PHLDB2: variants seen among roughly 807,000 people sequenced by gnomAD.
PHLDB2 encodes the protein pleckstrin homology-like domain family B member 2.
A neutral mutation model predicts 123.6 loss-of-function variants in PHLDB2; 71 were observed. That is an observed-to-expected ratio of 0.57 (90% CI 0.47 to 0.70). The LOEUF (loss-of-function observed/expected upper bound fraction) is 0.70. Among genes scored for constraint, PHLDB2 ranks in the 30% least tolerant of loss-of-function variants. The pLI, the probability that PHLDB2 is intolerant of heterozygous loss-of-function variation, is 0.00. For missense variants in PHLDB2, 1,446 were observed against 1,519.5 expected, an observed-to-expected ratio of 0.95 and a Z score of 0.80; for synonymous variants, 547 against 541.6, an observed-to-expected ratio of 1.01 and a Z score of -0.14.
intron 1 of PHLDB2, among the ~76,000 whole-genome samples, chr3:111,837,270 A>G (rs1559860201): frequency 6.6e-6 from 1 of 152,208 alleles, no homozygotes; most frequent in African/African-American, 2.4e-5. Flanking sequence ...GAAGAGCCAG[A>G]GAATACTAGG....
chr3:111,810,488 G>A (rs2061785324), intron 1 of PHLDB2, among the ~76,000 whole-genome samples: 1 of 152,072 alleles, frequency 6.6e-6, no homozygotes, highest in African/African-American at 2.4e-5. Context: ...TTTGTTGTGT[G>A]CTCACATGAT....
At chr3:111,939,161 T>C (rs747613481) in intron 6 of PHLDB2, among the ~76,000 whole-genome samples, 1 of 152,206 alleles carries the variant, frequency 6.6e-6, no homozygotes, top group Admixed American at 6.5e-5. Context: ...CTGCAGATTA[T>C]GTTTAGGTTA....
At chr3:111,945,705 C>T (rs1296528192) in intron 9 of PHLDB2, among the ~76,000 whole-genome samples, 1 of 151,962 alleles carries the variant, frequency 6.6e-6, no homozygotes, top group Admixed American at 6.6e-5. Context: ...CCTGAGTCTC[C>T]TTTCTCCCTC....
chr3:111,885,026 T>G lies in PHLDB2; in HGVS notation c.949T>G (p.Ser317Ala), dbSNP rs2066088828. 6.2e-7 allele frequency: 1 copy of G among 1,614,070 alleles called. No homozygotes were observed. The highest frequency in any genetic ancestry group is 8.5e-7 in the Non-Finnish European group (1 of 1,180,034). ...CTCAGGGGCTTTACCCTATAAAACCTCTGCTTCTGAAGGCAATCCTTATGT... is the reference window on the plus strand; with the variant it reads ...CTCAGGGGCTTTACCCTATAAAACCGCTGCTTCTGAAGGCAATCCTTATGT... ...LSSGALPYKTSASEGNPYVSS... is the reference protein window; with the variant it reads ...LSSGALPYKTAASEGNPYVSS... The change falls in exon 2 of 18, where the codon TCT becomes GCT. Residue 317 changes from serine to alanine, a missense_variant. By Grantham distance (99) the Ser-to-Ala change is moderately conservative. Transcript: ENST00000431670.
intron 2 of PHLDB2, among the ~76,000 whole-genome samples, chr3:111,907,500 G>T (rs1285845436): frequency 1.3e-5 from 2 of 152,044 alleles, no homozygotes; most frequent in Admixed American, 6.6e-5. Flanking sequence ...TTGTTTGTTT[G>T]TTTGTTTGTT....
chr3:111,768,330 G>A (rs373891762), intron 1 of PHLDB2, among the ~76,000 whole-genome samples: 1 of 152,188 alleles, frequency 6.6e-6, no homozygotes, highest in East Asian at 1.9e-4. Flanking sequence ...TGATGGTGGG[G>A]TTGCCTACCT....
Position 111,975,438 on chromosome 3 carries a change from C to G in PHLDB2, c.*875C>G, listed in dbSNP as rs2072457363. 1 of 152,146 alleles carries G rather than the reference C, an allele frequency of 6.6e-6. No individual in the cohort carries two copies. 9.4% of individuals were successfully genotyped at this position (152,146 alleles called of 1,614,324 possible). A position where few individuals can be genotyped will look rare whatever the true frequency, so the allele number is the denominator to read the frequency against. ...TTCCTGGTGCTGAGAATAAAGGCAA[C>G]CAGTAGCCAATGTCCTTTAGATTGT... On this transcript the variant is annotated 3_prime_UTR_variant, in exon 18 of 18. Coordinates refer to ENST00000431670, the MANE Select transcript of PHLDB2 (RefSeq NM_001134438.2).
chr3:111,834,246 TTA>T (rs2063281248), intron 1 of PHLDB2, among the ~76,000 whole-genome samples: 1 of 89,886 alleles, frequency 1.1e-5, no homozygotes, highest in Non-Finnish European at 1.7e-5. Flanking sequence ...TATAATAGAA[TTA>T]TATATATAAT....
intron 11 of PHLDB2, among the ~76,000 whole-genome samples, chr3:111,953,585 C>T (rs762143266): frequency 6.0e-4 from 92 of 152,278 alleles, no homozygotes; most frequent in Admixed American, 1.6e-3. Flanking sequence ...TGTTCTTTTG[C>T]ATGGTGCGCA....
At chr3:111,970,418 C>T (rs1025800607) in intron 16 of PHLDB2, among the ~76,000 whole-genome samples, 5 of 152,114 alleles carry the variant, frequency 3.3e-5, no homozygotes, top group South Asian at 4.1e-4. Context: ...GATTGTCATA[C>T]GTCCCATTTA....
intron 1 of PHLDB2, among the ~76,000 whole-genome samples, chr3:111,764,940 G>A (rs531382640): frequency 3.9e-4 from 59 of 152,274 alleles, no homozygotes; most frequent in Admixed American, 1.0e-3. Context: ...ATACCCAAGC[G>A]ACATCACCAT....
chr3:111,879,886 C>G (rs375341076), intron 1 of PHLDB2, among the ~76,000 whole-genome samples: 2 of 151,676 alleles, frequency 1.3e-5, no homozygotes, highest in East Asian at 1.9e-4. Flanking sequence ...TTTAGAAGCA[C>G]TTTTCTCTAT....
In PHLDB2 at chr3:111,789,698, A is replaced by ATGTTCTTAGTTC. The variant is rs1313670055; in HGVS notation, c.-48-56123_-48-56122insTGTTCTTAGTTC. On this transcript the variant is annotated intron_variant, in intron 1 of 17. Coordinates refer to the PHLDB2 transcript ENST00000393923. ...GTTGTTCAGAATTACATGAGATAAT[A>ATGTTCTTAGTTC]ATATATATTATGTGCTTAGTTCATA... Among the ~76,000 whole-genome samples, 639 of 152,308 alleles carry ATGTTCTTAGTTC rather than the reference A, an allele frequency of 4.2e-3. 1 individual carries two copies. The highest frequency in any genetic ancestry group is 0.015 in the African/African-American group (615 of 41,548).
intron 5 of PHLDB2, among the ~76,000 whole-genome samples, chr3:111,921,344 A>C (rs977095750): frequency 6.6e-6 from 1 of 152,150 alleles, no homozygotes; most frequent in Non-Finnish European, 1.5e-5. Context: ...AAAAAGAAAA[A>C]ATTTTTAGTT....
At chr3:111,828,536 A>G (rs2062777992) in intron 1 of PHLDB2, among the ~76,000 whole-genome samples, 1 of 152,218 alleles carries the variant, frequency 6.6e-6, no homozygotes, top group African/African-American at 2.4e-5. Flanking sequence ...CACGCCTGTA[A>G]TCCCAGCACT....
rs2072046504 is a variant in PHLDB2, at chr3:111,969,808, C to T, written c.3434C>T (p.Thr1145Ile). 1 of 1,614,006 alleles carries T rather than the reference C, an allele frequency of 6.2e-7. No homozygotes were observed. Among genetic ancestry groups the T allele is most frequent in the South Asian group, 1.1e-5 (1 of 91,080 alleles). The change falls in exon 16 of 18, where the codon ACC becomes ATC. Residue 1145 changes from threonine to isoleucine, a missense_variant. Coordinates refer to ENST00000431670, the MANE Select transcript of PHLDB2 (RefSeq NM_001134438.2). ...TCYHVSITEK[T>I]CRGFLIKMGG... The stretch of plus-strand genomic sequence containing the variant: ...TACCATGTATCAATCACAGAGAAGA[C>T]CTGCCGAGGATTCCTCATCAAAATG...
intron 1 of PHLDB2, among the ~76,000 whole-genome samples, chr3:111,826,072 T>C: frequency 6.6e-6 from 1 of 151,978 alleles, no homozygotes; most frequent in Admixed American, 6.6e-5. Context: ...GAGGCTGAAG[T>C]GGGAGGATCA....
intron 1 of PHLDB2, among the ~76,000 whole-genome samples, chr3:111,790,838 A>T (rs1443451584): frequency 6.6e-6 from 1 of 152,224 alleles, no homozygotes; most frequent in Admixed American, 6.5e-5. Context: ...GAAGTAAATT[A>T]AAAAATTAAA....
At position 111,791,420 on chromosome 3, in the gene PHLDB2, T is replaced by G. The variant is rs535282267; in HGVS notation, c.-48-54401T>G. ...AGGACTCACAGGACTAACTCATTGT[T>G]AGTGCCCCCATTTTATTCTCAAAAG... On this transcript the variant is annotated intron_variant, in intron 1 of 17. Transcript: ENST00000393923. Among the ~76,000 whole-genome samples the G allele has an allele frequency of 5.9e-5, 9 of 152,360 alleles. No homozygotes were observed. In the South Asian group the frequency reaches 1.9e-3, roughly 32 times the overall value.
Sources: gnomAD v4.1 joint callset for allele counts (sites outside exome capture counted in the v4.1 genomes callset) on GRCh38, gnomAD v4.1.1 for gene constraint, MANE v1.5 for transcripts, NCBI Gene and HGNC (gene_info 2026-07-23, HGNC 2026-07-21) for gene names.